The following POP1 variants were observed in gnomAD, a reference collection of about 807,000 sequenced individuals.
POP1 encodes the protein ribonucleases P/MRP protein subunit POP1.
A neutral mutation model predicts 102.2 loss-of-function variants in POP1; 75 were observed. The ratio of observed to expected loss-of-function variants is 0.73; its 90% CI spans 0.61 to 0.89. POP1 has a LOEUF of 0.89. POP1 is among the 40% of genes least tolerant of loss of function. The pLI is 0.00. For missense variants in POP1, 1,116 were observed against 1,267.4 expected (o/e 0.88, Z 1.81); for synonymous variants, 436 against 464.1 (o/e 0.94, Z 0.78).
chr8:98,152,338 A>G (rs1383536252), intron 14 of POP1, among the ~76,000 whole-genome samples: 1 of 152,238 alleles, frequency 6.6e-6, no homozygotes, highest in African/African-American at 2.4e-5. Context: ...ACAATATGGT[A>G]TGTATGGTTT....
At position 98,134,578 on chromosome 8, in the gene POP1, T is replaced by G. The variant is rs367560175; in HGVS notation, c.930T>G (p.Phe310Leu). ...GAGAAATGCTTGGGCCTGTTACGTT[T>G]ATCTGGAAGTCCCAGAGGACCCCGG... is the stretch of plus-strand genomic sequence containing the variant. ...YPREMLGPVTFIWKSQRTPGD... is the reference protein window; with the variant it reads ...YPREMLGPVTLIWKSQRTPGD... The change falls in exon 7 of 16, where the codon TTT (phenylalanine) becomes TTG (leucine). Residue 310 changes from phenylalanine to leucine, a missense_variant. Phe to Leu is a conservative substitution (Grantham distance 22, BLOSUM62 0). Coordinates refer to ENST00000401707, the MANE Select transcript of POP1 (RefSeq NM_001145860.2). The G allele has an allele frequency of 6.2e-7, 1 of 1,614,188 alleles. No individual in the cohort carries two copies. The highest frequency in any genetic ancestry group is 8.5e-7 in the Non-Finnish European group (1 of 1,180,004).
At chr8:98,156,679 A>G (rs1025196917) in intron 15 of POP1, among the ~76,000 whole-genome samples, 2 of 152,162 alleles carry the variant, frequency 1.3e-5, no homozygotes, top group South Asian at 2.1e-4. Flanking sequence ...TTTTTCTGAC[A>G]TATTTTATGC....
At chr8:98,119,123 T>G (rs886754642) in intron 1 of POP1, among the ~76,000 whole-genome samples, 1 of 152,362 alleles carries the variant, frequency 6.6e-6, no homozygotes, top group East Asian at 1.9e-4. Flanking sequence ...CTGAAACTAT[T>G]GGGCACATAG....
At position 98,127,529 on chromosome 8, in the gene POP1, A is replaced by G. The variant is rs891432561; in HGVS notation, c.143-66A>G. 3 of 1,587,066 alleles carry G rather than the reference A, an allele frequency of 1.9e-6. No homozygotes were observed. The East Asian group carries it at 6.7e-5, about 35-fold the overall frequency. On this transcript the variant is annotated intron_variant, in intron 2 of 15. Transcript: ENST00000401707. The stretch of plus-strand genomic sequence containing the variant: ...TGGTCAATGTTGCCACCCAACAAAT[A>G]TTAGTTCTCCACTATAATGTTTATC...
At chr8:98,121,637 C>A (rs1276552840) in intron 1 of POP1, among the ~76,000 whole-genome samples, 1 of 151,140 alleles carries the variant, frequency 6.6e-6, no homozygotes, top group African/African-American at 2.4e-5. Context: ...CCTGTCGCAG[C>A]CTCCCGAATA....
intron 1 of POP1, among the ~76,000 whole-genome samples, chr8:98,118,768 C>A (rs557259552): frequency 2.6e-5 from 4 of 151,786 alleles, no homozygotes; most frequent in Non-Finnish European, 5.9e-5. Flanking sequence ...TTGTGCTGTA[C>A]CGCATAATTT....
chr8:98,156,404 C>T lies in POP1; in HGVS notation c.2412C>T (p.Cys804=), dbSNP rs145585339. ...TTGCTGCCACAGGGAGTCACCTCTG[C>T]GTTCTCAGGTAAGTGTCGGTGACTT... ...NHVAATGSHL[C]VLRSRKLLKQ... The change falls in exon 15 of 16, where the codon TGC becomes TGT. Residue 804 remains cysteine (C), a synonymous_variant. Coordinates refer to ENST00000401707, the MANE Select transcript of POP1 (RefSeq NM_001145860.2). 9.3e-6 allele frequency: 15 copies of T among 1,613,506 alleles called. No individual in the cohort carries two copies. The highest frequency in any genetic ancestry group is 6.7e-5 in the Admixed American group (4 of 59,994).
In POP1 at chr8:98,136,566, C is replaced by G; in HGVS notation, c.1096C>G (p.Pro366Ala). Residue 366 changes from proline to alanine, a missense_variant, in exon 8 of 16, where the codon CCA (proline) becomes GCA (alanine). Transcript: ENST00000401707. ...CTGCATCGCTGACCCACTTCCAACA[C>G]CATCCCAAGAAAAAAGCCAAACTGA... ...AVCIADPLPT[P>A]SQEKSQTELP... 1 of 1,614,020 alleles carries G rather than the reference C, an allele frequency of 6.2e-7. No individual in the cohort carries two copies. The highest frequency in any genetic ancestry group is 8.5e-7 in the Non-Finnish European group (1 of 1,179,982).
At chr8:98,146,755 A>G in intron 12 of POP1, 72 bp downstream of exon 12, 1 of 1,177,408 alleles carries the variant, frequency 8.5e-7, no homozygotes, top group Non-Finnish European at 1.3e-6. Context: ...AGAGACCATA[A>G]AAAGTTATTC....
At chr8:98,120,646 A>AT (rs112406747) in intron 1 of POP1, among the ~76,000 whole-genome samples, 348 of 80,384 alleles carry the variant, frequency 4.3e-3, no homozygotes, top group Non-Finnish European at 6.0e-3. Context: ...TCATTTTTGT[A>AT]TTTTTTTTTT....
intron 15 of POP1, among the ~76,000 whole-genome samples, chr8:98,156,656 G>T (rs1393425448): frequency 6.6e-6 from 1 of 151,648 alleles, no homozygotes. Flanking sequence ...ATAGATCCAA[G>T]CCAAGGCAGT....
intron 5 of POP1, among the ~76,000 whole-genome samples, chr8:98,133,207 A>G (rs1342947462): frequency 2.0e-5 from 3 of 152,146 alleles, no homozygotes; most frequent in Non-Finnish European, 4.4e-5. Flanking sequence ...ACAGAGTGAG[A>G]CCCTGTCTCA....
rs1809757905 is a variant in POP1 at position 98,159,788 on chromosome 8, T to C, written c.*1517T>C. 6.6e-6 allele frequency: 1 copy of C among 150,528 alleles called. No homozygotes were observed. Among genetic ancestry groups the C allele is most frequent in the African/African-American group, 2.5e-5 (1 of 40,540 alleles). 9.3% of individuals were successfully genotyped at this position (150,528 alleles called of 1,614,324 possible). ...GATGAGACTGAAAAAAAAAAAACAG[T>C]GTAACTAAGTGGCATCTGTAAACAG... On this transcript the variant is annotated 3_prime_UTR_variant, in exon 16 of 16. Transcript: ENST00000401707.
rs1809477066 is a variant in POP1, at chr8:98,150,038, AAAT to A, written c.1903-445_1903-443del. ...CCATTTACCCGCCATCCGGCTTAAGAAATATAACATTACAGATGCATTGATGCA... is the reference window on the plus strand; with the variant it reads ...CCATTTACCCGCCATCCGGCTTAAGAATAACATTACAGATGCATTGATGCA... On this transcript the variant is annotated intron_variant, in intron 13 of 15. Transcript: ENST00000401707. Among the ~76,000 whole-genome samples, 10 of 152,334 alleles carry A rather than the reference AAAT, an allele frequency of 6.6e-5. No homozygotes were observed. In the South Asian group the frequency reaches 2.1e-3, roughly 32 times the overall value.
At chr8:98,144,644 AT>A (rs1188307829) in intron 11 of POP1, among the ~76,000 whole-genome samples, 1 of 152,186 alleles carries the variant, frequency 6.6e-6, no homozygotes, top group Non-Finnish European at 1.5e-5. Flanking sequence ...CACTGTGAGT[AT>A]CAACTATCTC....
chr8:98,124,075 T>G (rs2130577192), intron 2 of POP1, among the ~76,000 whole-genome samples: 1 of 152,272 alleles, frequency 6.6e-6, no homozygotes, highest in South Asian at 2.1e-4. Context: ...CCAGCTGTCA[T>G]GCAGAAATGG....
intron 9 of POP1, among the ~76,000 whole-genome samples, chr8:98,137,259 G>T (rs1485026379): frequency 6.6e-6 from 1 of 151,770 alleles, no homozygotes; most frequent in African/African-American, 2.4e-5. Context: ...CCCTGAAATT[G>T]TGTGCCAGAT....
At chr8:98,137,431 T>C (rs1816578012) in intron 9 of POP1, among the ~76,000 whole-genome samples, 1 of 151,940 alleles carries the variant, frequency 6.6e-6, no homozygotes, top group Admixed American at 6.6e-5. Context: ...GCCCCCCGAG[T>C]AGCTGAGACT....
rs532978209 is a variant in POP1 at position 98,138,934 on chromosome 8, C to A, written c.1363-1144C>A. On this transcript the variant is annotated intron_variant, in intron 9 of 15. Transcript: ENST00000401707. ...GTGGCACAATCTCAGCTCACTGCAA[C>A]CTCCACCTCTCAGGTTCAAGCAATT... 6.3e-3 allele frequency among the ~76,000 whole-genome samples: 952 copies of A among 150,604 alleles called. 12 individuals carry two copies. The highest frequency in any genetic ancestry group is 0.022 in the African/African-American group (906 of 40,866).
Sources: allele counts gnomAD v4.1 joint callset (sites outside exome capture counted in the v4.1 genomes callset), GRCh38; gene constraint gnomAD v4.1.1; transcripts MANE v1.5; gene names NCBI Gene and HGNC (gene_info 2026-07-23, HGNC 2026-07-21).